FBXW7: variants seen among roughly 807,000 people sequenced by gnomAD.
The protein encoded by FBXW7 is F-box/WD repeat-containing protein 7.
A neutral mutation model predicts 86.3 loss-of-function variants in FBXW7; 11 were observed. The ratio of observed to expected loss-of-function variants is 0.13; its 90% CI spans 0.08 to 0.21. FBXW7 has a LOEUF of 0.21. FBXW7 is among the 10% of genes least tolerant of loss of function. The pLI is 1.00. For missense variants in FBXW7, 488 were observed against 847.4 expected, an observed-to-expected ratio of 0.58 and a Z score of 5.27; for synonymous variants, 313 against 297.9, an observed-to-expected ratio of 1.05 and a Z score of -0.52.
At chr4:152,387,708 C>CTTTTTT (rs34073737) in intron 4 of FBXW7, among the ~76,000 whole-genome samples, 9 of 112,796 alleles carry the variant, frequency 8.0e-5, no homozygotes, top group Admixed American at 2.2e-4. Flanking sequence ...CATGGCATAC[C>CTTTTTT]TTTTTTTTTT....
intron 4 of FBXW7, among the ~76,000 whole-genome samples, chr4:152,409,827 T>C (rs1241119236): frequency 6.6e-6 from 1 of 150,628 alleles, no homozygotes; most frequent in Non-Finnish European, 1.5e-5. Flanking sequence ...CCTTCTATGG[T>C]TAGAGCCCAG....
intron 2 of FBXW7, among the ~76,000 whole-genome samples, chr4:152,419,686 G>A (rs1215985815): frequency 6.6e-6 from 1 of 152,026 alleles, no homozygotes; most frequent in Non-Finnish European, 1.5e-5. Context: ...AAAACTGCAG[G>A]TTCAATTCCA....
Position 152,461,752 on chromosome 4 carries a change from G to A in FBXW7, c.-119-49223C>T, listed in dbSNP as rs373588833. Among the ~76,000 whole-genome samples the A allele has an allele frequency of 1.1e-4, 17 of 152,064 alleles. 1 individual carries two copies. The highest frequency in any genetic ancestry group is 6.6e-4 in the Admixed American group (10 of 15,266). On this transcript the variant is annotated intron_variant, in intron 2 of 13. Coordinates refer to ENST00000281708, the MANE Select transcript of FBXW7 (RefSeq NM_001349798.2). ...CAAGTTATAGCAACCAGATTTTGTC[G>A]CAATCTTTCAAAGGACCATTTGGTT...
intron 2 of FBXW7, among the ~76,000 whole-genome samples, chr4:152,508,654 C>CAAA (rs1206694443): frequency 1.0e-5 from 1 of 95,486 alleles, no homozygotes. Context: ...CGTGCCACTG[C>CAAA]AAAAAAAAAA....
chr4:152,345,405 A>G (rs1485797376), intron 6 of FBXW7, among the ~76,000 whole-genome samples: 1 of 152,190 alleles, frequency 6.6e-6, no homozygotes, highest in Non-Finnish European at 1.5e-5. Context: ...ACAGTGGCTT[A>G]TAACATTTTA....
intron 9 of FBXW7, 100 bp downstream of exon 9, chr4:152,330,632 A>C: frequency 1.0e-6 from 1 of 983,368 alleles, no homozygotes; most frequent in Non-Finnish European, 1.4e-6. Flanking sequence ...TTCTTTCTAC[A>C]GAAGAGGAGT....
At chr4:152,336,481 C>T (rs978244838) in intron 7 of FBXW7, among the ~76,000 whole-genome samples, 2 of 151,896 alleles carry the variant, frequency 1.3e-5, no homozygotes, top group African/African-American at 2.4e-5. Flanking sequence ...AAAATGATAA[C>T]CTCTAAAATA....
intron 2 of FBXW7, among the ~76,000 whole-genome samples, chr4:152,532,744 T>C (rs1750129257): frequency 6.6e-6 from 1 of 152,132 alleles, no homozygotes; most frequent in Admixed American, 6.6e-5. Context: ...TCCAGTGCGG[T>C]CTTAGATAAA....
chr4:152,434,589 A>G (rs1560893086), intron 2 of FBXW7, among the ~76,000 whole-genome samples: 1 of 152,148 alleles, frequency 6.6e-6, no homozygotes. Context: ...TGACTTTTTT[A>G]TAAAGAGAAA....
chr4:152,510,727 C>G (rs1747885284), intron 2 of FBXW7, among the ~76,000 whole-genome samples: 1 of 152,186 alleles, frequency 6.6e-6, no homozygotes, highest in Non-Finnish European at 1.5e-5. Context: ...ATGAAACTTT[C>G]ATGAGTTCAG....
chr4:152,517,873 T>C (rs533736756), intron 2 of FBXW7, among the ~76,000 whole-genome samples: 2 of 152,356 alleles, frequency 1.3e-5, no homozygotes, highest in South Asian at 2.1e-4. Flanking sequence ...TCTGAAAATC[T>C]TGAAGTACTT....
At chr4:152,388,841 G>C (rs566240272) in intron 4 of FBXW7, among the ~76,000 whole-genome samples, 118 of 152,206 alleles carry the variant, frequency 7.8e-4, no homozygotes, top group African/African-American at 2.8e-3. Context: ...TAAATCAACA[G>C]AATGAAAAGA....
At chr4:152,415,700 A>G (rs1738366539) in intron 2 of FBXW7, among the ~76,000 whole-genome samples, 1 of 152,024 alleles carries the variant, frequency 6.6e-6, no homozygotes. Context: ...GGGTCCTTCT[A>G]TCATCTACAT....
At chr4:152,342,561 C>A (rs545717794) in intron 6 of FBXW7, among the ~76,000 whole-genome samples, 1 of 148,156 alleles carries the variant, frequency 6.7e-6, no homozygotes, top group Admixed American at 6.9e-5. Flanking sequence ...TTTAGTGTCT[C>A]AATTAGATAG....
rs552402890 is a variant in FBXW7 at position 152,356,186 on chromosome 4, C to G, written c.502-6062G>C. On this transcript the variant is annotated intron_variant, in intron 4 of 13. Transcript: ENST00000281708. The stretch of plus-strand genomic sequence containing the variant: ...CATTATTTTTATACATCTTTCTCCC[C>G]TATCTCCTCCCTAAAGATTCACATC... Among the ~76,000 whole-genome samples the G allele has an allele frequency of 3.3e-5, 5 of 152,230 alleles. No homozygotes were observed. In the South Asian group the frequency reaches 8.3e-4, roughly 25 times the overall value.
intron 2 of FBXW7, among the ~76,000 whole-genome samples, chr4:152,423,834 G>C (rs1427010717): frequency 1.3e-5 from 2 of 152,026 alleles, no homozygotes; most frequent in African/African-American, 4.8e-5. Flanking sequence ...GGAGGGGTGG[G>C]GTGCTAGACT....
At chr4:152,384,018 G>C (rs1413321999) in intron 4 of FBXW7, among the ~76,000 whole-genome samples, 1 of 152,100 alleles carries the variant, frequency 6.6e-6, no homozygotes, top group Non-Finnish European at 1.5e-5. Flanking sequence ...AAACAAAACA[G>C]TAAACAACAA....
intron 2 of FBXW7, among the ~76,000 whole-genome samples, chr4:152,423,309 G>A (rs1739106118): frequency 6.6e-6 from 1 of 152,152 alleles, no homozygotes; most frequent in Non-Finnish European, 1.5e-5. Context: ...CAGTGCTATA[G>A]ACCACTTAGA....
chr4:152,502,670 T>C (rs565043956), intron 2 of FBXW7, among the ~76,000 whole-genome samples: 5 of 152,146 alleles, frequency 3.3e-5, no homozygotes, highest in Non-Finnish European at 7.4e-5. Flanking sequence ...CACAATCAAG[T>C]AGAGATACAG....
Sources: gnomAD v4.1 joint callset for allele counts (sites outside exome capture counted in the v4.1 genomes callset) on GRCh38, gnomAD v4.1.1 for gene constraint, MANE v1.5 for transcripts, NCBI Gene and HGNC (gene_info 2026-07-23, HGNC 2026-07-21) for gene names.